Variants in IGSF10 observed in about 807,000 individuals in gnomAD.
The protein encoded by IGSF10 is calvaria mechanical force protein 608.
A neutral mutation model predicts 128.2 loss-of-function variants in IGSF10; 126 were observed. The ratio of observed to expected loss-of-function variants is 0.98; its 90% CI spans 0.85 to 1.14. IGSF10 has a LOEUF of 1.14. IGSF10 is among the 50% of genes most tolerant of loss of function. The probability of loss-of-function intolerance (pLI) is 0.00; values close to 1 mark genes in which losing one functional copy is unlikely to be tolerated. For missense variants in IGSF10, 3,295 were observed against 3,149.8 expected, an observed-to-expected ratio of 1.05 and a Z score of -1.10; for synonymous variants, 1,185 against 1,146.2, an observed-to-expected ratio of 1.03 and a Z score of -0.68.
the IGSF10 span, among the ~76,000 whole-genome samples, chr3:151,536,327 G>A: frequency 1.3e-5 from 2 of 152,140 alleles, no homozygotes; most frequent in African/African-American, 2.4e-5. Flanking sequence ...AGACCACCAC[G>A]AGGGCAGAGA....
the IGSF10 span, among the ~76,000 whole-genome samples, chr3:151,598,834 T>C: frequency 6.6e-6 from 1 of 152,222 alleles, no homozygotes; most frequent in African/African-American, 2.4e-5. Context: ...GAGTGGGTGA[T>C]GGGCTCATTT....
the IGSF10 span, among the ~76,000 whole-genome samples, chr3:151,476,452 C>T: frequency 2.0e-5 from 3 of 152,138 alleles, no homozygotes; most frequent in Non-Finnish European, 4.4e-5. Context: ...AAACAGGAAG[C>T]ATCCTAGTCT....
rs141482593 is a variant in IGSF10, at chr3:151,438,489, A to G, written c.6072T>C (p.Asp2024=). ...YLCVARNKMG[D]DLILMHVSLR... ...GGCTAACATGCATCAGTATCAGATC[A>G]TCCCCCATTTTGTTTCTTGCCACAC... is the stretch of plus-strand genomic sequence containing the variant. Residue 2024 remains aspartate, a synonymous_variant, in exon 8 of 8, where the codon GAT becomes GAC. Transcript: ENST00000282466. The G allele has an allele frequency of 6.2e-7, 1 of 1,614,130 alleles. No homozygotes were observed. The highest frequency in any genetic ancestry group is 8.5e-7 in the Non-Finnish European group (1 of 1,180,016).
chr3:151,498,671 A>G, the IGSF10 span, among the ~76,000 whole-genome samples: 3 of 152,146 alleles, frequency 2.0e-5, no homozygotes, highest in South Asian at 6.2e-4. Context: ...CAAGTAGACA[A>G]ATTGAAAATT....
At chr3:151,432,856 A>G (rs752938218), downstream of IGSF10, 13 of 1,344,922 alleles carry the variant, frequency 9.7e-6, no homozygotes, top group Non-Finnish European at 1.4e-5. Flanking sequence ...AAAAACAGAA[A>G]ATCAAATTTA....
the IGSF10 span, among the ~76,000 whole-genome samples, chr3:151,468,766 A>AT: frequency 3.9e-5 from 6 of 152,218 alleles, no homozygotes; most frequent in Admixed American, 1.3e-4. Context: ...TCCAGGATAC[A>AT]TGTACAGGAC....
the IGSF10 span, among the ~76,000 whole-genome samples, chr3:151,592,374 A>C: frequency 6.6e-6 from 1 of 152,122 alleles, no homozygotes. Context: ...TTATTGTTTC[A>C]TGGAAAGCTC....
At chr3:151,484,204 C>A in the IGSF10 span, among the ~76,000 whole-genome samples, 3 of 152,220 alleles carry the variant, frequency 2.0e-5, no homozygotes, top group Non-Finnish European at 4.4e-5. Flanking sequence ...CTGGGCAGAG[C>A]CCACTGCAGC....
At chr3:151,619,518 G>A in the IGSF10 span, among the ~76,000 whole-genome samples, 5 of 151,044 alleles carry the variant, frequency 3.3e-5, no homozygotes, top group Non-Finnish European at 7.4e-5. Flanking sequence ...AAAATTTTAA[G>A]ATGGATTTAT....
At position 151,438,324 on chromosome 3, in the gene IGSF10, C is replaced by T. The variant is rs527825904; in HGVS notation, c.6237G>A (p.Met2079Ile). Residue 2079 changes from methionine to isoleucine, a missense_variant, in exon 8 of 8, where the codon ATG becomes ATA. By Grantham distance (10) the Met-to-Ile change is conservative. Coordinates refer to ENST00000282466, the MANE Select transcript of IGSF10 (RefSeq NM_178822.5). ...EISWSLPDGTMINNAMQADDS... is the reference protein window; with the variant it reads ...EISWSLPDGTIINNAMQADDS... ...CATCGGCTTGCATTGCATTGTTGAT[C>T]ATGGTTCCATCAGGCAAACTCCAAG... The T allele has an allele frequency of 1.1e-5, 17 of 1,614,176 alleles. No individual in the cohort carries two copies. The highest frequency in any genetic ancestry group is 1.6e-4 in the Middle Eastern group (1 of 6,062).
the IGSF10 span, among the ~76,000 whole-genome samples, chr3:151,550,824 C>A: frequency 5.3e-5 from 8 of 152,226 alleles, no homozygotes; most frequent in East Asian, 1.4e-3. Flanking sequence ...TGTCTGTTGG[C>A]CCTTCATATC....
chr3:151,533,416 A>G, the IGSF10 span, among the ~76,000 whole-genome samples: 1 of 152,260 alleles, frequency 6.6e-6, no homozygotes, highest in African/African-American at 2.4e-5. Context: ...CTACAAGGCT[A>G]CAGTAACCAA....
chr3:151,443,374 T>C lies in IGSF10; in HGVS notation c.5573A>G (p.Glu1858Gly), dbSNP rs1720975915. The change falls in exon 7 of 8, where the codon GAA becomes GGA. Residue 1858 changes from glutamate to glycine, a missense_variant. Transcript: ENST00000282466. ...RRQVIVGTWG[E>G]SLKLPCTAKG... is the part of the protein sequence containing the mutation. ...TGCAGTACAGGGCAGTTTTAAACTT[T>C]CACCCCAAGTGCCTACAATGACTTG... The C allele has an allele frequency of 2.5e-6, 4 of 1,614,104 alleles. No individual in the cohort carries two copies. Among genetic ancestry groups the C allele is most frequent in the African/African-American group, 2.7e-5 (2 of 74,938 alleles).
chr3:151,453,421 A>G lies in IGSF10; in HGVS notation c.678T>C (p.His226=). The G allele has an allele frequency of 6.2e-7, 1 of 1,607,560 alleles. No individual in the cohort carries two copies. The highest frequency in any genetic ancestry group is 1.7e-4 in the Middle Eastern group (1 of 6,006). ...LHGNPWTCDC[H]LKWLSDWIQE... is the part of the protein sequence containing the mutation. ...GTATCCAGTCAGACAACCACTTTAA[A>G]TGGCAATCACAGGTCCATGGGTTTC... Residue 226 remains histidine (H), a synonymous_variant, in exon 5 of 8, where the codon CAT becomes CAC. Coordinates refer to ENST00000282466, the MANE Select transcript of IGSF10 (RefSeq NM_178822.5).
the IGSF10 span, among the ~76,000 whole-genome samples, chr3:151,603,825 T>C: frequency 1.3e-5 from 2 of 152,242 alleles, no homozygotes; most frequent in Non-Finnish European, 2.9e-5. Flanking sequence ...TCAAGCCTGA[T>C]GGCAGGAAAG....
At chr3:151,615,105 GA>G in the IGSF10 span, among the ~76,000 whole-genome samples, 1 of 151,966 alleles carries the variant, frequency 6.6e-6, no homozygotes, top group African/African-American at 2.4e-5. Context: ...ATTTACATTT[GA>G]AAAAATATGC....
upstream of IGSF10, among the ~76,000 whole-genome samples, chr3:151,463,542 T>TTTTTTG (rs1722158151): frequency 1.8e-5 from 2 of 113,100 alleles, no homozygotes; most frequent in Non-Finnish European, 3.5e-5. Flanking sequence ...TTTTTTTTTT[T>TTTTTTG]TTTTTTTTTT....
Position 151,447,916 on chromosome 3 carries a change from G to A in IGSF10, c.2065C>T (p.His689Tyr). The change falls in exon 6 of 8, where the codon CAT becomes TAT. Residue 689 changes from histidine (H) to tyrosine (Y), a missense_variant. Transcript: ENST00000282466. ...TGTGCACCTGGTGGCTCCTTAAGAT[G>A]AGCAATAGGATTGGACTCATCAAGT... ...SGLDESNPIA[H>Y]LKEPPGAQLR... 6.2e-7 allele frequency: 1 copy of A among 1,614,036 alleles called. No individual in the cohort carries two copies. The highest frequency in any genetic ancestry group is 8.5e-7 in the Non-Finnish European group (1 of 1,180,010).
chr3:151,498,883 A>G, the IGSF10 span, among the ~76,000 whole-genome samples: 3 of 152,144 alleles, frequency 2.0e-5, no homozygotes, highest in African/African-American at 7.2e-5. Context: ...GTTTCGCTCA[A>G]TACAGGATAA....
Sources: gnomAD v4.1 joint callset for allele counts (sites outside exome capture counted in the v4.1 genomes callset) on GRCh38, gnomAD v4.1.1 for gene constraint, MANE v1.5 for transcripts, NCBI Gene and HGNC (gene_info 2026-07-23, HGNC 2026-07-21) for gene names.